The following DTHD1 variants were observed in gnomAD, a reference collection of about 807,000 sequenced individuals.
DTHD1 encodes the protein death domain containing 1, also known as death domain-containing protein 1.
A neutral mutation model predicts 74.8 loss-of-function variants in DTHD1; 59 were observed. That is an observed-to-expected ratio of 0.79 (90% CI 0.64 to 0.98). DTHD1 has a LOEUF of 0.98. DTHD1 is among the 50% of genes least tolerant of loss of function. DTHD1 has a pLI of 0.00. For synonymous variants in DTHD1, 365 were observed against 371.1 expected (o/e 0.98, Z 0.19); for missense variants, 1,051 against 1,065.4 (o/e 0.99, Z 0.19).
chr4:36,331,607 G>A (rs1389293215), intron 8 of DTHD1, among the ~76,000 whole-genome samples: 1 of 152,186 alleles, frequency 6.6e-6, no homozygotes, highest in Non-Finnish European at 1.5e-5. Flanking sequence ...GGAATGGGAG[G>A]AGTGTGAGGT....
chr4:36,301,458 A>G (rs1756767740), intron 5 of DTHD1, among the ~76,000 whole-genome samples: 1 of 152,168 alleles, frequency 6.6e-6, no homozygotes, highest in Non-Finnish European at 1.5e-5. Flanking sequence ...GCTGGAAAAA[A>G]AATGATCATT....
intron 8 of DTHD1, among the ~76,000 whole-genome samples, chr4:36,317,122 T>G (rs1297343137): frequency 6.6e-6 from 1 of 152,268 alleles, no homozygotes; most frequent in Non-Finnish European, 1.5e-5. Flanking sequence ...AAACTTCTTA[T>G]TCTTTAAAGA....
At chr4:36,308,082 G>T in intron 6 of DTHD1, 122 bp from the exon 7 acceptor site, 1 of 980,186 alleles carries the variant, frequency 1.0e-6, no homozygotes, top group Non-Finnish European at 1.5e-6. Context: ...TGTTGTCTTT[G>T]AGAATACTTG....
chr4:36,287,214 C>T (rs4833127), intron 2 of DTHD1, among the ~76,000 whole-genome samples: 139,454 of 152,246 alleles, frequency 0.92, 63,987 homozygotes, highest in African/African-American at 0.96. Context: ...CACTTGTAAG[C>T]GAGAAAATAA....
intron 5 of DTHD1, among the ~76,000 whole-genome samples, chr4:36,296,404 A>T (rs77384167): frequency 0.027 from 4,110 of 152,240 alleles, 75 homozygotes; most frequent in Non-Finnish European, 0.04. Flanking sequence ...TCTTATTTTT[A>T]AAATTTGATA....
intron 8 of DTHD1, among the ~76,000 whole-genome samples, chr4:36,334,451 C>T (rs544490890): frequency 3.3e-5 from 5 of 151,436 alleles, no homozygotes; most frequent in African/African-American, 1.2e-4. Flanking sequence ...CTTGGCCTCC[C>T]GGGATCAAGC....
intron 8 of DTHD1, among the ~76,000 whole-genome samples, chr4:36,331,090 T>C (rs930560657): frequency 2.6e-5 from 4 of 152,086 alleles, no homozygotes; most frequent in African/African-American, 7.2e-5. Flanking sequence ...TAGGTGATTG[T>C]TGTGATGTCT....
chr4:36,335,085 T>G (rs1758932305), intron 8 of DTHD1, among the ~76,000 whole-genome samples: 1 of 152,198 alleles, frequency 6.6e-6, no homozygotes, highest in East Asian at 1.9e-4. Context: ...AATTGTGTGA[T>G]AGTATAGTGC....
chr4:36,287,126 T>G (rs1755761133), intron 2 of DTHD1, among the ~76,000 whole-genome samples: 1 of 152,052 alleles, frequency 6.6e-6, no homozygotes, highest in Non-Finnish European at 1.5e-5. Context: ...ATCCCTCACC[T>G]CCCTCCCACC....
chr4:36,332,569 A>G (rs528414116), intron 8 of DTHD1, among the ~76,000 whole-genome samples: 1 of 150,858 alleles, frequency 6.6e-6, no homozygotes, highest in Admixed American at 6.6e-5. Context: ...TTTCATGCAC[A>G]TGTTTCTACA....
chr4:36,305,363 T>C (rs913244499), intron 5 of DTHD1, among the ~76,000 whole-genome samples: 3 of 152,074 alleles, frequency 2.0e-5, no homozygotes, highest in East Asian at 1.9e-4. Flanking sequence ...GTGAAAGGCA[T>C]GTCTTACATG....
intron 4 of DTHD1, among the ~76,000 whole-genome samples, chr4:36,293,931 A>G (rs907931886): frequency 6.6e-6 from 1 of 152,098 alleles, no homozygotes; most frequent in Non-Finnish European, 1.5e-5. Flanking sequence ...AGATTTTCCC[A>G]GTTAGTCTTT....
At chr4:36,314,710 A>G (rs1449853963) in intron 7 of DTHD1, among the ~76,000 whole-genome samples, 1 of 151,270 alleles carries the variant, frequency 6.6e-6, no homozygotes, top group Non-Finnish European at 1.5e-5. Flanking sequence ...AAGAAAAGAA[A>G]AAAAGCTTCG....
intron 2 of DTHD1, among the ~76,000 whole-genome samples, chr4:36,285,784 C>T (rs1319822350): frequency 2.0e-5 from 3 of 152,124 alleles, no homozygotes; most frequent in Non-Finnish European, 4.4e-5. Context: ...ATATATACAT[C>T]CTGGGATTAT....
chr4:36,313,513 A>T (rs1757521584), intron 7 of DTHD1, among the ~76,000 whole-genome samples: 1 of 151,518 alleles, frequency 6.6e-6, no homozygotes, highest in South Asian at 2.1e-4. Context: ...TTTAAAATAT[A>T]TTATTATGCC....
intron 8 of DTHD1, among the ~76,000 whole-genome samples, chr4:36,332,391 G>T (rs937812055): frequency 1.3e-5 from 2 of 152,060 alleles, no homozygotes; most frequent in Admixed American, 1.3e-4. Flanking sequence ...AGGTTTTACT[G>T]GGTATTGTGA....
intron 2 of DTHD1, among the ~76,000 whole-genome samples, chr4:36,289,833 T>G (rs913719001): frequency 6.6e-6 from 1 of 152,068 alleles, no homozygotes; most frequent in Non-Finnish European, 1.5e-5. Context: ...ATTACTATGA[T>G]TAATGATAAA....
chr4:36,316,169 T>A, intron 7 of DTHD1, 73 bp from the exon 8 acceptor site: 3 of 1,429,690 alleles, frequency 2.1e-6, no homozygotes, highest in Non-Finnish European at 2.8e-6. Flanking sequence ...TCTCCTGACC[T>A]CGTGATCCGC....
At chr4:36,283,868 T>C (rs1220888911) in intron 1 of DTHD1, 108 bp from the exon 2 acceptor site, 1 of 786,944 alleles carries the variant, frequency 1.3e-6, no homozygotes, top group East Asian at 2.7e-5. Context: ...TAAAGGTCTT[T>C]GTAGGTTTCT....
Sources: allele counts gnomAD v4.1 joint callset (sites outside exome capture counted in the v4.1 genomes callset), GRCh38; gene constraint gnomAD v4.1.1; transcripts MANE v1.5; gene names NCBI Gene and HGNC (gene_info 2026-07-23, HGNC 2026-07-21).